The following TMEM132B variants were observed in gnomAD, a reference collection of about 807,000 sequenced individuals.
TMEM132B encodes the protein transmembrane protein 132B.
A neutral mutation model predicts 90.8 loss-of-function variants in TMEM132B; 18 were observed. That is an observed-to-expected ratio of 0.20 (90% CI 0.14 to 0.29). TMEM132B has a LOEUF of 0.29. TMEM132B is among the 10% of genes least tolerant of loss of function. The pLI, the probability that TMEM132B is intolerant of heterozygous loss-of-function variation, is 1.00. For missense variants in TMEM132B, 1,096 were observed against 1,326.8 expected, an observed-to-expected ratio of 0.83 and a Z score of 2.70; for synonymous variants, 504 against 523.3, an observed-to-expected ratio of 0.96 and a Z score of 0.50.
chr12:125,491,135 C>T (rs139931963), intron 3 of TMEM132B, among the ~76,000 whole-genome samples: 39 of 152,248 alleles, frequency 2.6e-4, no homozygotes, highest in African/African-American at 8.7e-4. Flanking sequence ...CTGCTCCTGA[C>T]TTTCCAATCC....
At chr12:125,518,658 A>G (rs1320701956) in intron 3 of TMEM132B, among the ~76,000 whole-genome samples, 2 of 152,238 alleles carry the variant, frequency 1.3e-5, no homozygotes, top group African/African-American at 2.4e-5. Flanking sequence ...GTCAATGACA[A>G]GGGGCTCCCT....
chr12:125,476,597 G>A (rs1003484138), intron 3 of TMEM132B, among the ~76,000 whole-genome samples: 3 of 152,168 alleles, frequency 2.0e-5, no homozygotes, highest in Non-Finnish European at 2.9e-5. Flanking sequence ...CTGAACATTC[G>A]TGTTCAAGTA....
chr12:125,537,915 C>A (rs1221515833), intron 4 of TMEM132B, among the ~76,000 whole-genome samples: 1 of 152,156 alleles, frequency 6.6e-6, no homozygotes, highest in East Asian at 1.9e-4. Flanking sequence ...AGCACCTCCC[C>A]AGAGGCCACT....
At chr12:125,363,479 T>C (rs1878025139) in intron 2 of TMEM132B, among the ~76,000 whole-genome samples, 1 of 152,140 alleles carries the variant, frequency 6.6e-6, no homozygotes, top group African/African-American at 2.4e-5. Context: ...TGCCTCCCCG[T>C]TGGAAATTTA....
At chr12:125,312,972 C>T (rs989552922) in intron 1 of TMEM132B, among the ~76,000 whole-genome samples, 4 of 152,184 alleles carry the variant, frequency 2.6e-5, no homozygotes, top group African/African-American at 4.8e-5. Flanking sequence ...TACCAAAGCA[C>T]CTGCTTTCCT....
intron 3 of TMEM132B, among the ~76,000 whole-genome samples, chr12:125,453,462 T>A (rs1428983856): frequency 6.6e-6 from 1 of 152,232 alleles, no homozygotes; most frequent in Non-Finnish European, 1.5e-5. Flanking sequence ...TGTACAATTA[T>A]TAAATTCTCT....
intron 1 of TMEM132B, among the ~76,000 whole-genome samples, chr12:125,317,760 C>T (rs970295766): frequency 6.6e-6 from 1 of 152,162 alleles, no homozygotes; most frequent in African/African-American, 2.4e-5. Flanking sequence ...GGCCCCAGAC[C>T]TGCCCTCCTT....
chr12:125,284,094 C>T (rs1442053632), intron 1 of TMEM132B, among the ~76,000 whole-genome samples: 3 of 152,160 alleles, frequency 2.0e-5, no homozygotes, highest in South Asian at 2.1e-4. Flanking sequence ...ATGTCACTGT[C>T]TAGGTAGAGG....
At chr12:125,474,002 G>C (rs2006883) in intron 3 of TMEM132B, among the ~76,000 whole-genome samples, 5,187 of 149,992 alleles carry the variant, frequency 0.035, 159 homozygotes, top group Admixed American at 0.099. Flanking sequence ...TTCCAAGATT[G>C]AGCTCACCTT....
chr12:125,329,267 T>A (rs1473448525), intron 1 of TMEM132B, among the ~76,000 whole-genome samples: 1 of 152,224 alleles, frequency 6.6e-6, no homozygotes, highest in African/African-American at 2.4e-5. Flanking sequence ...TCTTCCAGCC[T>A]CTAGACCTGT....
chr12:125,552,874 G>C (rs1197435488), intron 4 of TMEM132B, among the ~76,000 whole-genome samples: 2 of 152,260 alleles, frequency 1.3e-5, no homozygotes, highest in Non-Finnish European at 2.9e-5. Context: ...GGAGTCAGGA[G>C]AGCGGCAGAG....
At chr12:125,403,288 T>G (rs1593125238) in intron 2 of TMEM132B, among the ~76,000 whole-genome samples, 1 of 152,338 alleles carries the variant, frequency 6.6e-6, no homozygotes, top group East Asian at 1.9e-4. Flanking sequence ...CTCTGGCTGG[T>G]GGCCCCTCAG....
At chr12:125,580,572 G>A (rs1885033049) in intron 4 of TMEM132B, among the ~76,000 whole-genome samples, 1 of 152,204 alleles carries the variant, frequency 6.6e-6, no homozygotes, top group African/African-American at 2.4e-5. Flanking sequence ...AGATACTACA[G>A]CACTAGAAAG....
At position 125,381,154 on chromosome 12, in the gene TMEM132B, T is replaced by G. The variant is rs77342051; in HGVS notation, c.959+30811T>G. Among the ~76,000 whole-genome samples, 982 of 152,318 alleles carry G rather than the reference T, an allele frequency of 6.4e-3. 4 individuals are homozygous for G. Among genetic ancestry groups the G allele is most frequent in the Non-Finnish European group, 0.011 (751 of 68,022 alleles). The stretch of plus-strand genomic sequence containing the variant: ...TTACAGGCACGGTGTGTTGAGCCCC[T>G]GTGGTTGAGACACTGGGGATTTGAT... On this transcript the variant is annotated intron_variant, in intron 2 of 8. Coordinates refer to ENST00000682704, the MANE Select transcript of TMEM132B (RefSeq NM_001366854.1).
intron 1 of TMEM132B, among the ~76,000 whole-genome samples, chr12:125,200,989 G>T (rs1256987831): frequency 6.6e-6 from 1 of 152,222 alleles, no homozygotes; most frequent in East Asian, 1.9e-4. Flanking sequence ...CTATGCCTCT[G>T]TAGCACTTAG....
Position 125,218,778 on chromosome 12 carries a change from T to TTTA in TMEM132B, c.67+31914_67+31915insATT, listed in dbSNP as rs1340013521. Among the ~76,000 whole-genome samples the TTTA allele has an allele frequency of 2.2e-3, 324 of 150,146 alleles. 3 individuals carry two copies. Among genetic ancestry groups the TTTA allele is most frequent in the African/African-American group, 7.6e-3 (313 of 41,014 alleles). On this transcript the variant is annotated intron_variant, in intron 1 of 8. Transcript: ENST00000682704. Reference sequence around the variant, plus strand: ...CTTTCTTGTTGAAGCTGTTTTTTTTTTTTTTTTTTTTTATTGGAATTACCC... The same window carrying TTTA: ...CTTTCTTGTTGAAGCTGTTTTTTTTTTTATTTTTTTTTTTTATTGGAATTACCC...
At chr12:125,252,396 T>C (rs577619151) in intron 1 of TMEM132B, among the ~76,000 whole-genome samples, 2 of 152,274 alleles carry the variant, frequency 1.3e-5, no homozygotes, top group South Asian at 4.1e-4. Flanking sequence ...TGTTCCAGCC[T>C]CCCACGGAGG....
chr12:125,296,760 T>C (rs1238884471), intron 1 of TMEM132B, among the ~76,000 whole-genome samples: 6 of 152,164 alleles, frequency 3.9e-5, no homozygotes, highest in Non-Finnish European at 8.8e-5. Flanking sequence ...TCCATCCCAC[T>C]CCTTTATCAC....
chr12:125,191,025 A>G (rs1342754657), intron 1 of TMEM132B, among the ~76,000 whole-genome samples: 4 of 19,582 alleles, frequency 2.0e-4, no homozygotes, highest in African/African-American at 2.2e-4. Context: ...AGGGGTGGTG[A>G]TGGTGACGGG....
Sources: gnomAD v4.1 joint callset for allele counts (sites outside exome capture counted in the v4.1 genomes callset) on GRCh38, gnomAD v4.1.1 for gene constraint, MANE v1.5 for transcripts, NCBI Gene and HGNC (gene_info 2026-07-23, HGNC 2026-07-21) for gene names.